USO1: variants seen among roughly 807,000 people sequenced by gnomAD.
USO1 encodes general vesicular transport factor p115.
In USO1, 57 loss-of-function variants were observed where a neutral mutation model predicts 124.5. The ratio of observed to expected loss-of-function variants is 0.46; its 90% CI spans 0.37 to 0.57. The LOEUF (loss-of-function observed/expected upper bound fraction) is 0.57, where lower values mean the gene tolerates loss of function less well. USO1 is among the 20% of genes least tolerant of loss of function. The pLI is 0.00. For synonymous variants in USO1, 369 were observed against 362.8 expected (o/e 1.02, Z -0.19); for missense variants, 900 against 1,040.6 (o/e 0.86, Z 1.86).
At chr4:75,746,202 G>C (rs1227667155) in intron 1 of USO1, among the ~76,000 whole-genome samples, 2 of 152,198 alleles carry the variant, frequency 1.3e-5, no homozygotes, top group Non-Finnish European at 2.9e-5. Context: ...AAGGGAAGGA[G>C]AAAGAGCAAT....
chr4:75,781,753 G>T (rs1363132460), intron 8 of USO1, among the ~76,000 whole-genome samples: 1 of 107,192 alleles, frequency 9.3e-6, no homozygotes, highest in Admixed American at 1.0e-4. Flanking sequence ...AAAAAATGAT[G>T]TCTTTTTAAA....
At position 75,793,790 on chromosome 4, in the gene USO1, G is replaced by C. The variant is rs764298688; in HGVS notation, c.1341G>C (p.Ala447=). 1 of 1,613,880 alleles carries C rather than the reference G, an allele frequency of 6.2e-7. No individual in the cohort carries two copies. Among genetic ancestry groups the C allele is most frequent in the Non-Finnish European group, 8.5e-7 (1 of 1,179,866 alleles). ...GTGCTGCTGTGGCCCTTGCCCATGC[G>C]TTGCAAGAAAATGCCACCCAGAAAG... is the stretch of plus-strand genomic sequence containing the variant. ...NWCAAVALAH[A]LQENATQKEQ... is the part of the protein sequence containing the mutation. The change falls in exon 13 of 24, where the codon GCG becomes GCC. Residue 447 remains alanine, a synonymous_variant. Transcript: ENST00000514213.
intron 9 of USO1, among the ~76,000 whole-genome samples, chr4:75,786,503 T>G (rs1722364986): frequency 6.6e-6 from 1 of 152,218 alleles, no homozygotes; most frequent in Non-Finnish European, 1.5e-5. Context: ...TTTCTGAAAT[T>G]TTATGTTTAC....
chr4:75,793,983 G>A, intron 13 of USO1, 82 bp downstream of exon 13: 2 of 1,555,638 alleles, frequency 1.3e-6, no homozygotes, highest in Admixed American at 3.9e-5. Flanking sequence ...AGAAGATGCA[G>A]ATGAAAAAGG....
chr4:75,779,168 G>T (rs925002648), intron 8 of USO1, among the ~76,000 whole-genome samples: 1 of 152,020 alleles, frequency 6.6e-6, no homozygotes, highest in Non-Finnish European at 1.5e-5. Flanking sequence ...TCCACAGACT[G>T]GCCCATCCTC....
chr4:75,775,908 G>A (rs538638012), intron 8 of USO1, among the ~76,000 whole-genome samples: 14 of 152,254 alleles, frequency 9.2e-5, no homozygotes, highest in African/African-American at 3.1e-4. Context: ...GAAAATACTT[G>A]AGCCACAAAA....
At chr4:75,809,932 A>AT (rs1329915967) in intron 21 of USO1, among the ~76,000 whole-genome samples, 1 of 152,146 alleles carries the variant, frequency 6.6e-6, no homozygotes, top group East Asian at 1.9e-4. Flanking sequence ...TTGTGTCACT[A>AT]CCCGACTTCC....
chr4:75,787,283 A>G (rs1722390571), intron 10 of USO1, 81 bp downstream of exon 10: 3 of 1,360,194 alleles, frequency 2.2e-6, no homozygotes, highest in Non-Finnish European at 2.9e-6. Context: ...TGTTGAAGGA[A>G]AAACTACAAT....
At chr4:75,803,448 G>T (rs949011572) in intron 17 of USO1, among the ~76,000 whole-genome samples, 2 of 151,870 alleles carry the variant, frequency 1.3e-5, no homozygotes, top group Non-Finnish European at 2.9e-5. Flanking sequence ...AGGAGTTTGA[G>T]ACCAGCCTGG....
chr4:75,748,180 A>G (rs968642503), intron 1 of USO1, among the ~76,000 whole-genome samples: 1 of 149,324 alleles, frequency 6.7e-6, no homozygotes, highest in African/African-American at 2.5e-5. Flanking sequence ...CTGGGATTAC[A>G]GGCGTGAGCC....
At chr4:75,764,750 C>T (rs1329343736) in intron 4 of USO1, among the ~76,000 whole-genome samples, 1 of 152,116 alleles carries the variant, frequency 6.6e-6, no homozygotes, top group Admixed American at 6.6e-5. Flanking sequence ...GTAAGCAAGG[C>T]TGTTTGACCC....
intron 1 of USO1, 196 bp downstream of exon 1, chr4:75,725,081 G>T: frequency 1.6e-6 from 1 of 637,786 alleles, no homozygotes; most frequent in Non-Finnish European, 2.7e-6. Flanking sequence ...CCCCATTGCT[G>T]CCGTTCGGCC....
intron 1 of USO1, among the ~76,000 whole-genome samples, chr4:75,734,200 T>C (rs543687653): frequency 6.6e-5 from 10 of 152,284 alleles, no homozygotes; most frequent in Middle Eastern, 3.4e-3. Flanking sequence ...CACCTTGACC[T>C]CCCAAAGTGC....
chr4:75,777,340 A>G (rs1015211884), intron 8 of USO1, among the ~76,000 whole-genome samples: 4 of 152,200 alleles, frequency 2.6e-5, no homozygotes, highest in African/African-American at 9.6e-5. Context: ...AAATTGATAA[A>G]TGAGACTTCA....
chr4:75,809,006 A>C lies in USO1; in HGVS notation c.2430A>C (p.Lys810Asn). Residue 810 changes from lysine (K) to asparagine (N), a missense_variant, in exon 21 of 24, where the codon AAA (lysine) becomes AAC (asparagine). By Grantham distance (94) the Lys-to-Asn change is moderately conservative (BLOSUM62 0). This residue lies in a region of USO1 where 362 missense variants were observed against 359.0 expected (regional missense o/e 1.01). Transcript: ENST00000514213. ...QLNSQSVEIT[K>N]LQTEKQELLQ... ...ACTCACAATCTGTGGAGATCACCAA[A>C]CTACAGACAGAAAAGCAGGAACTGT... The C allele has an allele frequency of 6.2e-7, 1 of 1,605,484 alleles. No homozygotes were observed. The highest frequency in any genetic ancestry group is 8.5e-7 in the Non-Finnish European group (1 of 1,176,176).
At chr4:75,755,405 C>T (rs964324200) in intron 3 of USO1, 18 of 515,274 alleles carry the variant, frequency 3.5e-5, no homozygotes, top group Non-Finnish European at 6.6e-5. Flanking sequence ...TTCTGAAATG[C>T]GTATCTTCAG....
chr4:75,811,508 T>A (rs146663183), intron 22 of USO1, among the ~76,000 whole-genome samples: 2 of 152,154 alleles, frequency 1.3e-5, no homozygotes, highest in Admixed American at 1.3e-4. Flanking sequence ...AAACAAGGAG[T>A]ACAAATTTAG....
In USO1 at chr4:75,725,030, C is replaced by T. The variant is rs1005113341; in HGVS notation, c.66+145C>T. 1.2e-5 allele frequency: 10 copies of T among 818,678 alleles called. No homozygotes were observed. In the African/African-American group the frequency reaches 1.6e-4, roughly 13 times the overall value. 50.7% of individuals were successfully genotyped at this position (818,678 alleles called of 1,614,324 possible). On this transcript the variant is annotated intron_variant, in intron 1 of 23. Transcript: ENST00000514213. ...CCTCCCCCTTTGCCCTCCTTCCGCT[C>T]CTGAAATCCCAGAGTTATTCAATCA...
rs1023167937 is a variant in USO1, at chr4:75,750,593, C to T, written c.67-1780C>T. Among the ~76,000 whole-genome samples the T allele has an allele frequency of 1.1e-4, 17 of 152,144 alleles. No homozygotes were observed. In the South Asian group the frequency reaches 2.7e-3, roughly 24 times the overall value. The stretch of plus-strand genomic sequence containing the variant: ...CTGCCTCCCGGGTTCAAGCGATTCT[C>T]CTGCCTCAGCTTCCCGAGTAGCTGG... On this transcript the variant is annotated intron_variant, in intron 1 of 23. Transcript: ENST00000514213.
Sources: gnomAD v4.1 joint callset for allele counts (sites outside exome capture counted in the v4.1 genomes callset) on GRCh38, gnomAD v4.1.1 for gene constraint, gnomAD v4.1.1 regional missense constraint, MANE v1.5 for transcripts, NCBI Gene and HGNC (gene_info 2026-07-23, HGNC 2026-07-21) for gene names.